EHD2: variants seen among roughly 807,000 people sequenced by gnomAD.
EHD2 encodes the protein EH domain containing 2.
A neutral mutation model predicts 41.0 loss-of-function variants in EHD2; 27 were observed. That is an observed-to-expected ratio of 0.66 (90% CI 0.49 to 0.91). The LOEUF is 0.91. EHD2 is among the 40% of genes least tolerant of loss of function. The probability of loss-of-function intolerance (pLI) is 0.00; values close to 1 mark genes in which losing one functional copy is unlikely to be tolerated. For missense variants in EHD2, 673 were observed against 773.9 expected (o/e 0.87, Z 1.55); for synonymous variants, 342 against 341.0 (o/e 1.00, Z -0.03).
intron 3 of EHD2, among the ~76,000 whole-genome samples, chr19:47,721,329 T>C (rs985293830): frequency 6.6e-6 from 1 of 152,016 alleles, no homozygotes; most frequent in Non-Finnish European, 1.5e-5. Context: ...ACTTTTTTTT[T>C]TTTGAGATGG....
At chr19:47,718,867 T>TC (rs1973664443) in intron 3 of EHD2, among the ~76,000 whole-genome samples, 1 of 106,046 alleles carries the variant, frequency 9.4e-6, no homozygotes, top group Non-Finnish European at 1.9e-5. Flanking sequence ...GGGACTGGGG[T>TC]CTGGACTCCT....
At position 47,742,124 on chromosome 19, in the gene EHD2, TTTCCTTCC is replaced by T. The variant is rs1014832766; in HGVS notation, c.*704_*711del. On this transcript the variant is annotated 3_prime_UTR_variant, in exon 6 of 6. Coordinates refer to ENST00000263277, the MANE Select transcript of EHD2 (RefSeq NM_014601.4). ...CCCCAATTCTGCCCACACCCATTTA[TTTCCTTCC>T]TTCCTTCCTTCTTTTCTTTCCTTCC... 3.0e-6 allele frequency: 1 copy of T among 331,962 alleles called. No individual in the cohort carries two copies. Among genetic ancestry groups the T allele is most frequent in the Non-Finnish European group, 5.8e-6 (1 of 173,552 alleles). 20.6% of individuals were successfully genotyped at this position (331,962 alleles called of 1,614,324 possible). A position where few individuals can be genotyped will look rare whatever the true frequency, so the allele number is the denominator to read the frequency against.
intron 3 of EHD2, among the ~76,000 whole-genome samples, chr19:47,723,038 G>A (rs1351438183): frequency 6.6e-6 from 1 of 152,156 alleles, no homozygotes; most frequent in Non-Finnish European, 1.5e-5. Context: ...TTCGTCCTCC[G>A]GGTTCCCACT....
Position 47,740,868 on chromosome 19 carries a change from T to G in EHD2, c.1081-13T>G. ...GCCGCTTGAATTCTGGGTGCCCCTG[T>G]CCCCCACCACAGGAGCTGCTGATGG... On this transcript the variant is annotated splice_polypyrimidine_tract_variant and intron_variant, in intron 5 of 5. Coordinates refer to ENST00000263277, the MANE Select transcript of EHD2 (RefSeq NM_014601.4). 4 of 1,610,936 alleles carry G rather than the reference T, an allele frequency of 2.5e-6. No homozygotes were observed. The highest frequency in any genetic ancestry group is 3.4e-6 in the Non-Finnish European group (4 of 1,179,390).
Position 47,726,084 on chromosome 19 carries a change from T to G in EHD2, c.775T>G (p.Ser259Ala). The stretch of plus-strand genomic sequence containing the variant: ...GCGCGTCTACATCGGCTCCTTCTGG[T>G]CCCAGCCCCTCCTCGTGCCCGACAA... ...VLRVYIGSFW[S>A]QPLLVPDNRR... is the part of the protein sequence containing the mutation. The change falls in exon 4 of 6, where the codon TCC becomes GCC. Residue 259 changes from serine (S) to alanine (A), a missense_variant. Transcript: ENST00000263277. 6.3e-7 allele frequency: 1 copy of G among 1,575,628 alleles called. No individual in the cohort carries two copies. The highest frequency in any genetic ancestry group is 8.6e-7 in the Non-Finnish European group (1 of 1,161,568).
chr19:47,722,061 GAAT>G (rs969378176), intron 3 of EHD2, among the ~76,000 whole-genome samples: 2 of 137,958 alleles, frequency 1.4e-5, no homozygotes, highest in Admixed American at 7.1e-5. Flanking sequence ...CACACACTGG[GAAT>G]AATAATACTA....
At position 47,716,816 on chromosome 19, in the gene EHD2, C is replaced by T; in HGVS notation, c.204C>T (p.Ser68=). Residue 68 remains serine (S), a synonymous_variant, in exon 2 of 6, where the codon AGC becomes AGT. Transcript: ENST00000263277. ...KPMVLVAGQY[S]TGKTSFIQYL... is the part of the protein sequence containing the mutation. ...TGGTGCTGGTGGCCGGCCAGTACAG[C>T]ACGGGCAAGACCAGCTTCATCCAGT... 4 of 1,609,910 alleles carry T rather than the reference C, an allele frequency of 2.5e-6. No individual in the cohort carries two copies. Among genetic ancestry groups the T allele is most frequent in the Middle Eastern group, 1.7e-4 (1 of 6,042 alleles).
At chr19:47,740,019 C>T (rs896783560) in intron 5 of EHD2, among the ~76,000 whole-genome samples, 2 of 151,938 alleles carry the variant, frequency 1.3e-5, no homozygotes, top group African/African-American at 2.4e-5. Context: ...GGTGGGTGCC[C>T]GAGCGGAACA....
intron 5 of EHD2, among the ~76,000 whole-genome samples, chr19:47,737,124 G>T (rs1390049765): frequency 6.6e-6 from 1 of 151,768 alleles, no homozygotes; most frequent in Non-Finnish European, 1.5e-5. Context: ...CCAGCTACTC[G>T]GGAGGCTGAG....
At position 47,726,077 on chromosome 19, in the gene EHD2, C is replaced by T. The variant is rs1193726050; in HGVS notation, c.768C>T (p.Ser256=). ...AGGTGCTGCGCGTCTACATCGGCTC[C>T]TTCTGGTCCCAGCCCCTCCTCGTGC... ...TPEVLRVYIG[S]FWSQPLLVPD... is the part of the protein sequence containing the mutation. The change falls in exon 4 of 6, where the codon TCC becomes TCT. Residue 256 remains serine (S), a synonymous_variant. Coordinates refer to ENST00000263277, the MANE Select transcript of EHD2 (RefSeq NM_014601.4). The T allele has an allele frequency of 6.3e-7, 1 of 1,578,680 alleles. No individual in the cohort carries two copies. The highest frequency in any genetic ancestry group is 1.9e-5 in the Admixed American group (1 of 53,720).
At chr19:47,728,553 CTTTCTT>C (rs913753076) in intron 4 of EHD2, among the ~76,000 whole-genome samples, 2 of 148,580 alleles carry the variant, frequency 1.3e-5, no homozygotes, top group African/African-American at 2.5e-5. Context: ...TTCTCTTTCT[CTTTCTT>C]TTTCTTTCTT....
At chr19:47,737,231 CAAA>C (rs34395536) in intron 5 of EHD2, among the ~76,000 whole-genome samples, 4 of 64,750 alleles carry the variant, frequency 6.2e-5, no homozygotes, top group Non-Finnish European at 8.2e-5. Context: ...GACTCCGTCT[CAAA>C]AAAAAAAAAA....
chr19:47,720,415 C>T (rs1054104374), intron 3 of EHD2, among the ~76,000 whole-genome samples: 2 of 152,088 alleles, frequency 1.3e-5, no homozygotes, highest in African/African-American at 4.8e-5. Context: ...AGGTGATCCT[C>T]CTGCCTTGGC....
Position 47,725,981 on chromosome 19 carries a change from G to T in EHD2, c.672G>T (p.Val224=). Residue 224 remains valine (V), a synonymous_variant, in exon 4 of 6, where the codon GTG becomes GTT. Coordinates refer to ENST00000263277, the MANE Select transcript of EHD2 (RefSeq NM_014601.4). The stretch of plus-strand genomic sequence containing the variant: ...TGGTGCTCAACAAGGCCGACATGGT[G>T]GAGACGCAGCAGCTGATGCGCGTCT... The part of the protein sequence containing the change: ...IRVVLNKADM[V]ETQQLMRVYG... 2 of 1,612,014 alleles carry T rather than the reference G, an allele frequency of 1.2e-6. No individual in the cohort carries two copies. The highest frequency in any genetic ancestry group is 1.7e-6 in the Non-Finnish European group (2 of 1,178,524).
chr19:47,736,927 A>C (rs2123658062), intron 5 of EHD2, among the ~76,000 whole-genome samples: 1 of 152,294 alleles, frequency 6.6e-6, no homozygotes, highest in South Asian at 2.1e-4. Context: ...TCTGCGTTCC[A>C]GCCAGCAAGA....
At chr19:47,735,377 C>G (rs1380721610) in intron 4 of EHD2, among the ~76,000 whole-genome samples, 3 of 152,168 alleles carry the variant, frequency 2.0e-5, no homozygotes, top group African/African-American at 7.2e-5. Context: ...TGAGCCCCAG[C>G]AGGAGGAGGC....
chr19:47,723,507 G>T (rs1486199473), intron 3 of EHD2, among the ~76,000 whole-genome samples: 1 of 151,638 alleles, frequency 6.6e-6, no homozygotes, highest in South Asian at 2.1e-4. Flanking sequence ...TAAAAATACA[G>T]AAATTAGCTG....
intron 5 of EHD2, among the ~76,000 whole-genome samples, chr19:47,737,110 A>G (rs553031502): frequency 1.3e-5 from 2 of 152,088 alleles, no homozygotes; most frequent in South Asian, 4.1e-4. Flanking sequence ...GGGCGCCTGT[A>G]GTCCCAGCTA....
At chr19:47,713,632 T>A (rs1973596384) in intron 1 of EHD2, 94 bp downstream of exon 1, 1 of 152,510 alleles carries the variant, frequency 6.6e-6, no homozygotes, top group African/African-American at 2.4e-5. Context: ...TGCCACCCTG[T>A]CCCCAGTCTG....
Sources: allele counts gnomAD v4.1 joint callset (sites outside exome capture counted in the v4.1 genomes callset), GRCh38; gene constraint gnomAD v4.1.1; transcripts MANE v1.5; gene names NCBI Gene and HGNC (gene_info 2026-07-23, HGNC 2026-07-21).